The following EYS variants were observed in gnomAD, a reference collection of about 807,000 sequenced individuals.
EYS encodes EGF-like photoreceptor maintenance factor.
EYS carries 250 observed loss-of-function variants against 282.1 expected under a neutral mutation model. The observed-to-expected ratio is 0.89, with a 90% CI of 0.80 to 0.98. EYS has a LOEUF of 0.98. Among genes scored for constraint, EYS ranks in the 50% least tolerant of loss-of-function variants. EYS has a pLI of 0.00. For synonymous variants in EYS, 1,355 were observed against 1,282.9 expected (o/e 1.06, Z -1.20); for missense variants, 4,016 against 3,709.0 (o/e 1.08, Z -2.15).
intron 22 of EYS, among the ~76,000 whole-genome samples, chr6:64,744,771 T>C (rs1431120880): frequency 6.6e-6 from 1 of 152,126 alleles, no homozygotes; most frequent in Admixed American, 6.6e-5. Context: ...GGTACATTTA[T>C]TTTAAATTTA....
At chr6:65,354,603 G>T (rs1264255425) in intron 8 of EYS, among the ~76,000 whole-genome samples, 1 of 152,094 alleles carries the variant, frequency 6.6e-6, no homozygotes, top group East Asian at 1.9e-4. Context: ...ATTACCTGAG[G>T]TCAGGAGTTC....
At chr6:64,796,615 GA>G (rs1284212997) in intron 22 of EYS, among the ~76,000 whole-genome samples, 1 of 152,118 alleles carries the variant, frequency 6.6e-6, no homozygotes, top group Non-Finnish European at 1.5e-5. Context: ...ACTACAGGGA[GA>G]AATATCAGAC....
At chr6:64,626,354 A>G (rs576307546) in intron 22 of EYS, 109 bp from the exon 23 acceptor site, 3 of 1,333,004 alleles carry the variant, frequency 2.3e-6, no homozygotes, top group Non-Finnish European at 2.0e-6. Flanking sequence ...CTCCAACAAC[A>G]TGTAGCTGGG....
chr6:65,472,850 C>T (rs1765264586), intron 5 of EYS, among the ~76,000 whole-genome samples: 1 of 151,726 alleles, frequency 6.6e-6, no homozygotes, highest in South Asian at 2.1e-4. Flanking sequence ...TTGTTTCTCT[C>T]TTAAGATTTA....
intron 5 of EYS, among the ~76,000 whole-genome samples, chr6:65,483,113 C>A (rs1444105059): frequency 6.6e-6 from 1 of 152,014 alleles, no homozygotes; most frequent in Non-Finnish European, 1.5e-5. Flanking sequence ...ATTAAGAATA[C>A]ATTTTCATGT....
intron 14 of EYS, among the ~76,000 whole-genome samples, chr6:64,948,297 A>G (rs1417681305): frequency 1.3e-5 from 2 of 151,324 alleles, no homozygotes; most frequent in East Asian, 3.9e-4. Context: ...TACTTGATTC[A>G]AAAGCATTTT....
At chr6:64,135,370 G>A (rs1047650004) in intron 31 of EYS, among the ~76,000 whole-genome samples, 4 of 151,998 alleles carry the variant, frequency 2.6e-5, no homozygotes, top group Admixed American at 6.6e-5. Flanking sequence ...CAAGACAATT[G>A]CACATATGAT....
At chr6:65,093,212 T>C (rs983230564) in intron 12 of EYS, among the ~76,000 whole-genome samples, 1 of 151,886 alleles carries the variant, frequency 6.6e-6, no homozygotes, top group African/African-American at 2.4e-5. Flanking sequence ...TCTTCATAAA[T>C]GAAGGAGGAA....
At chr6:64,515,122 A>G (rs920056385) in intron 26 of EYS, among the ~76,000 whole-genome samples, 2 of 151,726 alleles carry the variant, frequency 1.3e-5, no homozygotes, top group Non-Finnish European at 3.0e-5. Context: ...ATAAAATTTG[A>G]TAGCAAATTT....
rs1017114680 is a variant in EYS at position 65,644,484 on chromosome 6, A to T, written c.-447-4592T>A. Among the ~76,000 whole-genome samples, 145 of 152,192 alleles carry T rather than the reference A, an allele frequency of 9.5e-4. 10 individuals are homozygous for T. The highest frequency in any genetic ancestry group is 1.6e-4 in the Non-Finnish European group (11 of 68,046). On this transcript the variant is annotated intron_variant, in intron 1 of 42. Coordinates refer to ENST00000503581, the MANE Select transcript of EYS (RefSeq NM_001142800.2). Reference sequence around the variant, plus strand: ...GAAGAGAAATCAAAAAGTTTGGAAAACATACCTGAGAGAACAATCAAAGAC... The same window carrying T: ...GAAGAGAAATCAAAAAGTTTGGAAATCATACCTGAGAGAACAATCAAAGAC...
At chr6:65,289,836 T>G (rs544457016) in intron 12 of EYS, among the ~76,000 whole-genome samples, 1 of 151,166 alleles carries the variant, frequency 6.6e-6, no homozygotes, top group African/African-American at 2.4e-5. Flanking sequence ...TAATTTTACA[T>G]TTCTGTATTT....
intron 31 of EYS, among the ~76,000 whole-genome samples, chr6:64,175,860 C>T (rs916476288): frequency 2.0e-5 from 3 of 151,638 alleles, no homozygotes; most frequent in South Asian, 4.1e-4. Flanking sequence ...ATATCAGGAA[C>T]AAAACAGACA....
chr6:65,162,463 C>T (rs1046640366), intron 12 of EYS, among the ~76,000 whole-genome samples: 1 of 151,088 alleles, frequency 6.6e-6, no homozygotes, highest in African/African-American at 2.4e-5. Flanking sequence ...CAGTCATCAG[C>T]TTTAGGCCTG....
intron 31 of EYS, among the ~76,000 whole-genome samples, chr6:64,183,644 T>C (rs1016240674): frequency 3.9e-5 from 6 of 152,186 alleles, no homozygotes; most frequent in Non-Finnish European, 7.3e-5. Context: ...GTATAATTTC[T>C]AATATTTAAA....
intron 28 of EYS, among the ~76,000 whole-genome samples, chr6:64,393,970 C>A (rs904895687): frequency 1.3e-5 from 2 of 151,988 alleles, no homozygotes; most frequent in African/African-American, 4.8e-5. Context: ...AAATCACAAG[C>A]ATTCTTATAC....
chr6:63,830,217 C>T (rs1475659564), intron 36 of EYS, among the ~76,000 whole-genome samples: 1 of 152,164 alleles, frequency 6.6e-6, no homozygotes, highest in Non-Finnish European at 1.5e-5. Flanking sequence ...ACGGAGATGA[C>T]TTTGACAAGT....
intron 33 of EYS, among the ~76,000 whole-genome samples, chr6:64,047,513 T>C (rs778672633): frequency 9.9e-5 from 15 of 152,184 alleles, no homozygotes; most frequent in Non-Finnish European, 2.1e-4. Context: ...AGAATGATAA[T>C]TGTTTCATGT....
chr6:64,538,856 C>T (rs571134512), intron 26 of EYS, among the ~76,000 whole-genome samples: 14 of 152,234 alleles, frequency 9.2e-5, no homozygotes, highest in Non-Finnish European at 1.9e-4. Flanking sequence ...TAAAACAGAT[C>T]CATTTGAACT....
At chr6:65,310,154 G>A (rs1376459782) in intron 11 of EYS, among the ~76,000 whole-genome samples, 1 of 152,034 alleles carries the variant, frequency 6.6e-6, no homozygotes, top group Non-Finnish European at 1.5e-5. Flanking sequence ...GACCAGGCTG[G>A]CCAACATGGT....
Sources: gnomAD v4.1 joint callset for allele counts (sites outside exome capture counted in the v4.1 genomes callset) on GRCh38, gnomAD v4.1.1 for gene constraint, MANE v1.5 for transcripts, NCBI Gene and HGNC (gene_info 2026-07-23, HGNC 2026-07-21) for gene names.